The following VSX2 variants were observed in gnomAD, a reference collection of about 807,000 sequenced individuals.
VSX2 encodes the protein ceh-10 homeo domain containing homolog.
A neutral mutation model predicts 32.1 loss-of-function variants in VSX2; 28 were observed. The ratio of observed to expected loss-of-function variants is 0.87; its 90% CI spans 0.65 to 1.20. The LOEUF (loss-of-function observed/expected upper bound fraction) is 1.20, where lower values mean the gene tolerates loss of function less well. Ranked by LOEUF, VSX2 falls within the 50% of genes most tolerant of loss-of-function variation. VSX2 has a pLI of 0.00. For missense variants in VSX2, 506 were observed against 488.7 expected, an observed-to-expected ratio of 1.04 and a Z score of -0.33; for synonymous variants, 243 against 214.1, an observed-to-expected ratio of 1.14 and a Z score of -1.18.
rs78509400 is a variant in VSX2, at chr14:74,245,231, C to T, written c.522C>T (p.Asp174=). Reference sequence around the variant, plus strand: ...CATTCAACGAAGCCCACTACCCAGACGTCTATGCCCGGGAGATGCTGGCCA... The same window carrying T: ...CATTCAACGAAGCCCACTACCCAGATGTCTATGCCCGGGAGATGCTGGCCA... ...EKAFNEAHYP[D]VYAREMLAMK... is the part of the protein sequence containing the mutation. The change falls in exon 3 of 5, where the codon GAC becomes GAT. Residue 174 remains aspartate (D), a synonymous_variant. Transcript: ENST00000261980. The T allele has an allele frequency of 4.6e-4, 743 of 1,613,706 alleles. 6 individuals are homozygous for T. In the African/African-American group the frequency reaches 9.0e-3, roughly 19 times the overall value.
At chr14:74,260,374 G>A (rs764127381) in intron 4 of VSX2, among the ~76,000 whole-genome samples, 63 of 152,344 alleles carry the variant, frequency 4.1e-4, no homozygotes, top group Middle Eastern at 3.4e-3. Context: ...CGAGGCCCAG[G>A]TGCCCAGGGC....
chr14:74,249,950 TTAAA>T (rs201580559), intron 3 of VSX2, among the ~76,000 whole-genome samples: 3 of 152,156 alleles, frequency 2.0e-5, no homozygotes, highest in African/African-American at 7.2e-5. Flanking sequence ...TCTTTGTGTC[TTAAA>T]TAAATAAATA....
intron 3 of VSX2, among the ~76,000 whole-genome samples, chr14:74,253,810 GT>G (rs1214573199): frequency 6.6e-6 from 1 of 151,938 alleles, no homozygotes; most frequent in African/African-American, 2.4e-5. Context: ...CAAGCCTGTA[GT>G]CCCAGCTACT....
intron 2 of VSX2, among the ~76,000 whole-genome samples, chr14:74,244,349 G>T (rs1359268242): frequency 6.6e-6 from 1 of 152,130 alleles, no homozygotes; most frequent in South Asian, 2.1e-4. Context: ...GTATGGGATG[G>T]TTGGAAGGTG....
rs201277753 is a variant in VSX2, at chr14:74,244,927, T to A, written c.456-238T>A. Among the ~76,000 whole-genome samples the A allele has an allele frequency of 0.33, 11,999 of 36,822 alleles. 1,549 individuals carry two copies. The highest frequency in any genetic ancestry group is 0.44 in the East Asian group (775 of 1,760). The allele number at this position is 36,822 out of a possible 152,430, so 24.2% of individuals were successfully genotyped here. On this transcript the variant is annotated intron_variant, in intron 2 of 4. Transcript: ENST00000261980. ...GTGTGTGTGTGTGTGTGTGTGTGTGTGTGAAAGAGAGAGAGAAAGTGTGTG... is the reference window on the plus strand; with the variant it reads ...GTGTGTGTGTGTGTGTGTGTGTGTGAGTGAAAGAGAGAGAGAAAGTGTGTG...
intron 2 of VSX2, among the ~76,000 whole-genome samples, chr14:74,244,788 G>A (rs1216890569): frequency 6.6e-6 from 1 of 151,744 alleles, no homozygotes; most frequent in African/African-American, 2.4e-5. Context: ...TGAAATAATG[G>A]CCACCCCCCA....
chr14:74,248,575 C>A (rs758618214), intron 3 of VSX2, among the ~76,000 whole-genome samples: 8 of 151,788 alleles, frequency 5.3e-5, no homozygotes, highest in Non-Finnish European at 1.0e-4. Context: ...CCTGTGGTCC[C>A]AGCTACTCAA....
intron 3 of VSX2, among the ~76,000 whole-genome samples, chr14:74,256,706 C>T (rs943083648): frequency 4.7e-5 from 6 of 128,082 alleles, no homozygotes; most frequent in African/African-American, 1.8e-4. Flanking sequence ...CAGAGTCTTG[C>T]TCTGTTGCAC....
At chr14:74,243,557 G>A (rs1001449158) in intron 2 of VSX2, among the ~76,000 whole-genome samples, 3 of 139,572 alleles carry the variant, frequency 2.1e-5, no homozygotes, top group African/African-American at 3.1e-5. Context: ...CAGTTTCCCT[G>A]GTTTTGGAAA....
rs746117400 is a variant in VSX2, at chr14:74,260,619, A to G, written c.786A>G (p.Ala262=). The part of the protein sequence containing the change: ...LLGMHKKSLE[A]AAESGRKPEG... ...GGATGCACAAAAAGTCGCTGGAGGC[A>G]GCAGCCGAGTCGGGGAGGAAGCCCG... The change falls in exon 5 of 5, where the codon GCA becomes GCG. Residue 262 remains alanine, a synonymous_variant. Transcript: ENST00000261980. 1.2e-6 allele frequency: 2 copies of G among 1,606,114 alleles called. No individual in the cohort carries two copies. The highest frequency in any genetic ancestry group is 1.1e-5 in the South Asian group (1 of 89,188).
At chr14:74,242,613 T>C (rs961150776) in intron 2 of VSX2, among the ~76,000 whole-genome samples, 7 of 98,776 alleles carry the variant, frequency 7.1e-5, no homozygotes, top group Non-Finnish European at 1.6e-4. Context: ...TCTTGATCTT[T>C]GGTCTTTTTT....
chr14:74,239,669 G>T lies in VSX2; in HGVS notation c.108G>T (p.Glu36Asp). Residue 36 changes from glutamate to aspartate, a missense_variant, in exon 1 of 5, where the codon GAG (glutamate) becomes GAT (aspartate). Coordinates refer to ENST00000261980, the MANE Select transcript of VSX2 (RefSeq NM_182894.3). ...GGTGCACTGGGTTCGGCATCCAGGA[G>T]ATCCTGGGCTTGAACAAGGAGCCCC... is the stretch of plus-strand genomic sequence containing the variant. ...PARCTGFGIQ[E>D]ILGLNKEPPS... 6.4e-7 allele frequency: 1 copy of T among 1,550,634 alleles called. No homozygotes were observed. The highest frequency in any genetic ancestry group is 2.4e-5 in the East Asian group (1 of 40,908).
intron 3 of VSX2, 64 bp from the exon 4 acceptor site, chr14:74,259,538 G>A: frequency 6.2e-7 from 1 of 1,603,904 alleles, no homozygotes; most frequent in Non-Finnish European, 8.5e-7. Flanking sequence ...AGCCTACAAG[G>A]GGTAAGGGCC....
intron 3 of VSX2, among the ~76,000 whole-genome samples, chr14:74,248,122 G>A (rs980164610): frequency 1.3e-5 from 2 of 151,764 alleles, no homozygotes; most frequent in African/African-American, 4.8e-5. Flanking sequence ...TCCCCTCCAC[G>A]TGTTGGCCGC....
At chr14:74,252,021 T>C (rs552339495) in intron 3 of VSX2, among the ~76,000 whole-genome samples, 1 of 152,256 alleles carries the variant, frequency 6.6e-6, no homozygotes, top group South Asian at 2.1e-4. Flanking sequence ...TCAGGAGGTA[T>C]TTAGGAGGGC....
Position 74,244,508 on chromosome 14 carries a change from G to A in VSX2, c.456-657G>A, listed in dbSNP as rs941732408. ...GGAGTGGGAGATTCAGTTCTCTGCT[G>A]TATAAACACTGAGGTTGAGGCTGCA... is the stretch of plus-strand genomic sequence containing the variant. On this transcript the variant is annotated intron_variant, in intron 2 of 4. Transcript: ENST00000261980. 2.4e-4 allele frequency among the ~76,000 whole-genome samples: 36 copies of A among 152,130 alleles called. 1 individual carries two copies. The highest frequency in any genetic ancestry group is 2.4e-3 in the Admixed American group (36 of 15,272).
At chr14:74,258,522 C>T (rs1380030635) in intron 3 of VSX2, among the ~76,000 whole-genome samples, 1 of 152,112 alleles carries the variant, frequency 6.6e-6, no homozygotes, top group Non-Finnish European at 1.5e-5. Flanking sequence ...CCTGGGGCGA[C>T]TCGCTGCCCC....
In VSX2 at chr14:74,239,695, C is replaced by G. The variant is rs998945152; in HGVS notation, c.134C>G (p.Pro45Arg). Residue 45 changes from proline (P) to arginine (R), a missense_variant, in exon 1 of 5, where the codon CCG becomes CGG. By Grantham distance (103) the Pro-to-Arg change is moderately radical. Coordinates refer to ENST00000261980, the MANE Select transcript of VSX2 (RefSeq NM_182894.3). ...ATCCTGGGCTTGAACAAGGAGCCCC[C>G]GAGCTCCCACCCGCGGGCAGCGCTC... ...QEILGLNKEP[P>R]SSHPRAALDG... The G allele has an allele frequency of 7.7e-6, 12 of 1,549,734 alleles. No individual in the cohort carries two copies. Among genetic ancestry groups the G allele is most frequent in the Non-Finnish European group, 2.6e-6 (3 of 1,146,820 alleles).
intron 3 of VSX2, among the ~76,000 whole-genome samples, chr14:74,247,695 C>G (rs2079201593): frequency 6.6e-6 from 1 of 151,912 alleles, no homozygotes; most frequent in African/African-American, 2.4e-5. Flanking sequence ...TGTTTGAAGT[C>G]TTTGCTTTGA....
Sources: gnomAD v4.1 joint callset for allele counts (sites outside exome capture counted in the v4.1 genomes callset) on GRCh38, gnomAD v4.1.1 for gene constraint, MANE v1.5 for transcripts, NCBI Gene and HGNC (gene_info 2026-07-23, HGNC 2026-07-21) for gene names.